The following BTBD2 variants were observed in gnomAD, a reference collection of about 807,000 sequenced individuals.
BTBD2 encodes BTB/POZ domain-containing protein 2.
BTBD2 carries 15 observed loss-of-function variants against 44.0 expected under a neutral mutation model. The ratio of observed to expected loss-of-function variants is 0.34; its 90% CI spans 0.23 to 0.53. BTBD2 has a LOEUF of 0.53. BTBD2 is among the 20% of genes least tolerant of loss of function. The pLI is 0.95. For synonymous variants in BTBD2, 443 were observed against 335.9 expected (o/e 1.32, Z -3.49); for missense variants, 657 against 746.4 (o/e 0.88, Z 1.39).
At chr19:2,006,754 CCTCAG>C (rs2016400064) in intron 1 of BTBD2, among the ~76,000 whole-genome samples, 1 of 151,938 alleles carries the variant, frequency 6.6e-6, no homozygotes, top group Admixed American at 6.6e-5. Flanking sequence ...ACTGGCACTA[CCTCAG>C]CTCACTGCAA....
intron 6 of BTBD2, 45 bp downstream of exon 6, chr19:1,987,455 T>G: frequency 1.1e-6 from 1 of 930,964 alleles, no homozygotes; most frequent in Non-Finnish European, 1.5e-6. Context: ...CCCCGAGTCC[T>G]CCACCCCCAT....
intron 5 of BTBD2, among the ~76,000 whole-genome samples, chr19:1,988,870 G>A (rs2016132220): frequency 6.6e-6 from 1 of 152,170 alleles, no homozygotes; most frequent in South Asian, 2.1e-4. Flanking sequence ...CTCCCAAAGT[G>A]CTGGGATTAC....
chr19:1,992,810 GA>G, intron 3 of BTBD2, among the ~76,000 whole-genome samples: 1 of 151,528 alleles, frequency 6.6e-6, no homozygotes. Flanking sequence ...GAGCTCAGGT[GA>G]TCTGCCCGCC....
At chr19:1,993,199 C>T in intron 2 of BTBD2, 23 bp from the exon 3 acceptor site, 4 of 1,581,370 alleles carry the variant, frequency 2.5e-6, no homozygotes, top group Non-Finnish European at 3.4e-6. Flanking sequence ...CGCGGGTGGC[C>T]GTGAGGTGGG....
intron 1 of BTBD2, among the ~76,000 whole-genome samples, chr19:2,004,674 C>A (rs900657558): frequency 1.0e-4 from 14 of 140,378 alleles, no homozygotes; most frequent in Admixed American, 2.9e-4. Context: ...TCATATATAC[C>A]CCCTGAGTCG....
At chr19:2,007,865 T>C (rs2016414602) in intron 1 of BTBD2, among the ~76,000 whole-genome samples, 1 of 151,994 alleles carries the variant, frequency 6.6e-6, no homozygotes, top group African/African-American at 2.4e-5. Context: ...ATAAGTTCCA[T>C]AAGGAAGGAG....
chr19:2,012,512 G>A (rs892653027), intron 1 of BTBD2, among the ~76,000 whole-genome samples: 9 of 152,222 alleles, frequency 5.9e-5, no homozygotes, highest in African/African-American at 2.2e-4. Context: ...CAGGAGGCTG[G>A]TGTGCATTGA....
intron 7 of BTBD2, 81 bp from the exon 8 acceptor site, chr19:1,987,057 G>A (rs1383276620): frequency 6.3e-7 from 1 of 1,591,260 alleles, no homozygotes; most frequent in Non-Finnish European, 8.6e-7. Context: ...ACCTGCCCAG[G>A]GTGGGGGCAG....
At position 1,990,208 on chromosome 19, in the gene BTBD2, G is replaced by T; in HGVS notation, c.791-7C>A. The stretch of plus-strand genomic sequence containing the variant: ...AGGACAGCCACCAGCGTGTCTGTGG[G>T]GTGGAGGAAGGGGCTGCGTGAACAC... On this transcript the variant is annotated splice_polypyrimidine_tract_variant and splice_region_variant and intron_variant, in intron 4 of 8. Transcript: ENST00000255608. 6.3e-7 allele frequency: 1 copy of T among 1,586,830 alleles called. No homozygotes were observed. The highest frequency in any genetic ancestry group is 8.6e-7 in the Non-Finnish European group (1 of 1,167,674).
In BTBD2 at chr19:1,995,814, T is replaced by A. The variant is rs573895182; in HGVS notation, c.527+1530A>T. 2.0e-5 allele frequency among the ~76,000 whole-genome samples: 3 copies of A among 151,846 alleles called. No homozygotes were observed. In the East Asian group the frequency reaches 5.8e-4, roughly 30 times the overall value. On this transcript the variant is annotated intron_variant, in intron 2 of 8. Coordinates refer to ENST00000255608, the MANE Select transcript of BTBD2 (RefSeq NM_017797.4). ...ACCATGCCCGGCTAATTTTCTTATTTTTTATTTATTTTTTCTATTTTTAAT... is the reference window on the plus strand; with the variant it reads ...ACCATGCCCGGCTAATTTTCTTATTATTTATTTATTTTTTCTATTTTTAAT...
chr19:1,986,399 A>T lies in BTBD2; in HGVS notation c.*89T>A. 1 of 1,514,556 alleles carries T rather than the reference A, an allele frequency of 6.6e-7. No homozygotes were observed. The highest frequency in any genetic ancestry group is 9.1e-7 in the Non-Finnish European group (1 of 1,103,072). 93.8% of individuals were successfully genotyped at this position (1,514,556 alleles called of 1,614,324 possible). On this transcript the variant is annotated 3_prime_UTR_variant, in exon 9 of 9. Coordinates refer to ENST00000255608, the MANE Select transcript of BTBD2 (RefSeq NM_017797.4). ...CGGCCTGGGGGACACTGGGCCTGGC[A>T]CCGCGTGGTGGGGGGGCCCCAGCAG... is the stretch of plus-strand genomic sequence containing the variant.
chr19:2,012,904 C>G (rs907294537), intron 1 of BTBD2, among the ~76,000 whole-genome samples: 3 of 152,198 alleles, frequency 2.0e-5, no homozygotes, highest in Non-Finnish European at 4.4e-5. Flanking sequence ...CCAGCTGCAC[C>G]TGCTGCTGGG....
At chr19:2,006,811 C>A (rs1442305710) in intron 1 of BTBD2, among the ~76,000 whole-genome samples, 1 of 152,110 alleles carries the variant, frequency 6.6e-6, no homozygotes, top group African/African-American at 2.4e-5. Context: ...GCCTCAGCCT[C>A]CTACGTAGCT....
chr19:1,992,697 A>G (rs1357236496), intron 3 of BTBD2, among the ~76,000 whole-genome samples: 1 of 151,746 alleles, frequency 6.6e-6, no homozygotes, highest in African/African-American at 2.4e-5. Flanking sequence ...TCAGCCTCCC[A>G]AGTAGCTGGA....
chr19:1,987,817 G>A, intron 5 of BTBD2, 125 bp from the exon 6 acceptor site: 1 of 1,006,460 alleles, frequency 9.9e-7, no homozygotes, highest in Non-Finnish European at 1.4e-6. Context: ...GACCTGGGCA[G>A]CCCCTCCCCG....
At chr19:2,006,624 T>C (rs1369593673) in intron 1 of BTBD2, among the ~76,000 whole-genome samples, 1 of 152,178 alleles carries the variant, frequency 6.6e-6, no homozygotes, top group African/African-American at 2.4e-5. Flanking sequence ...CAGGCACCGT[T>C]AGCCCAGGGC....
rs1486072980 is a variant in BTBD2 at position 1,993,144 on chromosome 19, G to A, written c.560C>T (p.Pro187Leu). The A allele has an allele frequency of 6.2e-7, 1 of 1,605,336 alleles. No individual in the cohort carries two copies. The highest frequency in any genetic ancestry group is 1.3e-5 in the African/African-American group (1 of 74,866). ...FLYSDEVQIG[P>L]ETVMTTLYTA... ...GTATAGCGTGGTCATCACCGTCTCC[G>A]GGCCAATCTGCACCTCGTCCGAGTA... Residue 187 changes from proline to leucine, a missense_variant, in exon 3 of 9, where the codon CCG becomes CTG. This residue lies in a region of BTBD2 where 449 missense variants were observed against 510.9 expected (regional missense o/e 0.88). Coordinates refer to ENST00000255608, the MANE Select transcript of BTBD2 (RefSeq NM_017797.4).
At chr19:2,012,850 C>A (rs541291077) in intron 1 of BTBD2, among the ~76,000 whole-genome samples, 4 of 152,302 alleles carry the variant, frequency 2.6e-5, no homozygotes, top group African/African-American at 7.2e-5. Flanking sequence ...AGCCGGTGCC[C>A]GGGGCGCCCC....
At chr19:1,989,064 C>T (rs192523381) in intron 5 of BTBD2, among the ~76,000 whole-genome samples, 2 of 152,192 alleles carry the variant, frequency 1.3e-5, no homozygotes, top group South Asian at 2.1e-4. Context: ...AGGCATGAGC[C>T]ACCACACCCA....
Sources: gnomAD v4.1 joint callset for allele counts (sites outside exome capture counted in the v4.1 genomes callset) on GRCh38, gnomAD v4.1.1 for gene constraint, gnomAD v4.1.1 regional missense constraint, MANE v1.5 for transcripts, NCBI Gene and HGNC (gene_info 2026-07-23, HGNC 2026-07-21) for gene names.